The following RPRD1B variants were observed in gnomAD, a reference collection of about 807,000 sequenced individuals.
RPRD1B encodes the protein regulation of nuclear pre-mRNA domain containing 1B.
A neutral mutation model predicts 41.5 loss-of-function variants in RPRD1B; 11 were observed. The ratio of observed to expected loss-of-function variants is 0.27; its 90% confidence interval spans 0.17 to 0.44. The LOEUF (loss-of-function observed/expected upper bound fraction) is 0.44, where lower values mean the gene tolerates loss of function less well. Ranked by LOEUF, RPRD1B falls within the 20% of genes least tolerant of loss-of-function variation. The pLI is 1.00. For missense variants in RPRD1B, 248 were observed against 389.9 expected (o/e 0.64, Z 3.06); for synonymous variants, 158 against 155.6 (o/e 1.02, Z -0.12).
intron 4 of RPRD1B, 70 bp downstream of exon 4, chr20:38,057,714 A>C: frequency 8.9e-7 from 1 of 1,120,058 alleles, no homozygotes; most frequent in Non-Finnish European, 1.3e-6. Context: ...CTATGGCCAC[A>C]AGGTGGCGCC....
In RPRD1B at chr20:38,077,696, T is replaced by C. The variant is rs564181355; in HGVS notation, c.831+11440T>C. On this transcript the variant is annotated intron_variant, in intron 6 of 6. Coordinates refer to ENST00000373433, the MANE Select transcript of RPRD1B (RefSeq NM_021215.4). ...CTCCACTTCCATCACCTTAGTCCAC[T>C]CTGTCATCATCTGTCCCCCCTGGAT... Among the ~76,000 whole-genome samples, 6 of 152,322 alleles carry C rather than the reference T, an allele frequency of 3.9e-5. No homozygotes were observed. The South Asian group carries it at 6.2e-4, about 16-fold the overall frequency.
chr20:38,072,091 A>G (rs145347264), intron 6 of RPRD1B, among the ~76,000 whole-genome samples: 11 of 152,246 alleles, frequency 7.2e-5, no homozygotes, highest in African/African-American at 2.6e-4. Flanking sequence ...TCTGTTGCCA[A>G]TCCCAGGTCA....
At chr20:38,051,103 G>C (rs1419818203) in intron 3 of RPRD1B, among the ~76,000 whole-genome samples, 2 of 152,152 alleles carry the variant, frequency 1.3e-5, no homozygotes, top group Admixed American at 1.3e-4. Context: ...TACAACATTA[G>C]AGAATGCATG....
At chr20:38,065,646 G>A (rs772978710) in intron 5 of RPRD1B, among the ~76,000 whole-genome samples, 1 of 152,138 alleles carries the variant, frequency 6.6e-6, no homozygotes, top group Non-Finnish European at 1.5e-5. Flanking sequence ...TTTTTGGTCT[G>A]AGTATTTTCC....
intron 6 of RPRD1B, among the ~76,000 whole-genome samples, chr20:38,075,224 A>T (rs1431124662): frequency 6.6e-6 from 1 of 152,232 alleles, no homozygotes; most frequent in Non-Finnish European, 1.5e-5. Flanking sequence ...TTCCTGCTGT[A>T]GGAGTTCTTG....
chr20:38,079,527 C>CA (rs1384337709), intron 6 of RPRD1B, among the ~76,000 whole-genome samples: 2 of 152,116 alleles, frequency 1.3e-5, no homozygotes, highest in Non-Finnish European at 2.9e-5. Flanking sequence ...TGGTTTGCCT[C>CA]ATCCATGTTG....
At chr20:38,064,094 C>T (rs1319474777) in intron 5 of RPRD1B, among the ~76,000 whole-genome samples, 1 of 152,160 alleles carries the variant, frequency 6.6e-6, no homozygotes, top group Non-Finnish European at 1.5e-5. Context: ...CTAACCACCC[C>T]AGGAGCTTGC....
At chr20:38,054,782 C>T (rs970704455) in intron 3 of RPRD1B, among the ~76,000 whole-genome samples, 27 of 152,164 alleles carry the variant, frequency 1.8e-4, no homozygotes, top group African/African-American at 6.5e-4. Flanking sequence ...ACTGAGTGCT[C>T]TTCTAGGTGC....
chr20:38,083,197 T>C (rs2122767560), intron 6 of RPRD1B, among the ~76,000 whole-genome samples: 1 of 152,198 alleles, frequency 6.6e-6, no homozygotes, highest in East Asian at 1.9e-4. Context: ...ACATTTTTGA[T>C]GGTTTACTTT....
chr20:38,063,527 C>T (rs11907840), intron 5 of RPRD1B, among the ~76,000 whole-genome samples: 6,607 of 152,224 alleles, frequency 0.043, 463 homozygotes, highest in African/African-American at 0.15. Flanking sequence ...CAGGTGGCTA[C>T]ACTTCTCTGA....
chr20:38,037,760 C>A (rs2074018180), intron 1 of RPRD1B, among the ~76,000 whole-genome samples: 1 of 152,062 alleles, frequency 6.6e-6, no homozygotes, highest in African/African-American at 2.4e-5. Flanking sequence ...CAGTGAAAAC[C>A]TTGGGTCTCA....
rs190893877 is a variant in RPRD1B, at chr20:38,039,437, T to C, written c.152-998T>C. The stretch of plus-strand genomic sequence containing the variant: ...TTTTTTTTTTGAGACGGAGTTTTGC[T>C]CTTGTTGCCCAGGCTGGAGTGCAAC... On this transcript the variant is annotated intron_variant, in intron 1 of 6. Transcript: ENST00000373433. Among the ~76,000 whole-genome samples, 770 of 151,144 alleles carry C rather than the reference T, an allele frequency of 5.1e-3. 3 individuals carry two copies. Among genetic ancestry groups the C allele is most frequent in the African/African-American group, 0.015 (610 of 40,898 alleles).
At chr20:38,068,161 C>T (rs927672612) in intron 6 of RPRD1B, among the ~76,000 whole-genome samples, 3 of 152,148 alleles carry the variant, frequency 2.0e-5, no homozygotes, top group South Asian at 2.1e-4. Context: ...GCTTTGGATG[C>T]GTTCTGTAAC....
intron 6 of RPRD1B, among the ~76,000 whole-genome samples, chr20:38,079,537 G>T (rs1007243905): frequency 6.6e-6 from 1 of 152,032 alleles, no homozygotes; most frequent in Non-Finnish European, 1.5e-5. Context: ...CATCCATGTT[G>T]CTGCAGAGGA....
intron 6 of RPRD1B, among the ~76,000 whole-genome samples, chr20:38,077,357 A>C (rs1201024350): frequency 6.6e-6 from 1 of 152,068 alleles, no homozygotes; most frequent in African/African-American, 2.4e-5. Context: ...GACACCTCAG[A>C]CAGTATGGCT....
intron 2 of RPRD1B, among the ~76,000 whole-genome samples, chr20:38,040,784 C>T (rs898040503): frequency 6.6e-6 from 1 of 152,138 alleles, no homozygotes; most frequent in Non-Finnish European, 1.5e-5. Flanking sequence ...CATTATCTTT[C>T]TTCTAGATAT....
intron 6 of RPRD1B, among the ~76,000 whole-genome samples, chr20:38,075,755 T>C (rs919442406): frequency 1.3e-5 from 2 of 152,216 alleles, no homozygotes; most frequent in Non-Finnish European, 2.9e-5. Context: ...GTATTCTGGT[T>C]ATAATCAGGA....
chr20:38,059,545 A>T, intron 5 of RPRD1B, 25 bp downstream of exon 5: 1 of 1,611,558 alleles, frequency 6.2e-7, no homozygotes, highest in African/African-American at 1.3e-5. Context: ...TTTGGGTGAA[A>T]GGTGAGGAGA....
Position 38,033,855 on chromosome 20 carries a change from G to A in RPRD1B, c.-93G>A, listed in dbSNP as rs905005852. 42 of 1,302,614 alleles carry A rather than the reference G, an allele frequency of 3.2e-5. No homozygotes were observed. In the Middle Eastern group the frequency reaches 1.4e-3, roughly 44 times the overall value. 80.7% of individuals were successfully genotyped at this position (1,302,614 alleles called of 1,614,324 possible). A position where few individuals can be genotyped will look rare whatever the true frequency, so the allele number is the denominator to read the frequency against. ...CTGTCAGTCGGTAAAAAGTCCCGCA[G>A]CCTGTCAGGTGAGGCCCCGGCCTCG... is the stretch of plus-strand genomic sequence containing the variant. On this transcript the variant is annotated 5_prime_UTR_variant, in exon 1 of 7. Coordinates refer to ENST00000373433, the MANE Select transcript of RPRD1B (RefSeq NM_021215.4).
Sources: gnomAD v4.1 joint callset for allele counts (sites outside exome capture counted in the v4.1 genomes callset) on GRCh38, gnomAD v4.1.1 for gene constraint, MANE v1.5 for transcripts, NCBI Gene and HGNC (gene_info 2026-07-23, HGNC 2026-07-21) for gene names.